Variants in EYS observed in about 807,000 individuals in gnomAD.
EYS encodes the protein protein eyes shut homolog.
In EYS, 250 loss-of-function variants were observed where a neutral mutation model predicts 282.1. That is an observed-to-expected ratio of 0.89 (90% CI 0.80 to 0.98). The LOEUF is 0.98. Ranked by LOEUF, EYS falls within the 50% of genes least tolerant of loss-of-function variation. EYS has a pLI of 0.00. For synonymous variants in EYS, 1,355 were observed against 1,282.9 expected, an observed-to-expected ratio of 1.06 and a Z score of -1.20; for missense variants, 4,016 against 3,709.0, an observed-to-expected ratio of 1.08 and a Z score of -2.15.
chr6:63,891,064 A>C (rs898518652), intron 35 of EYS, among the ~76,000 whole-genome samples: 4 of 152,210 alleles, frequency 2.6e-5, no homozygotes, highest in African/African-American at 9.6e-5. Flanking sequence ...TGAATAGACC[A>C]ATAACAAGTT....
In EYS at chr6:65,495,526, T is replaced by G; in HGVS notation, c.-116A>C. The G allele has an allele frequency of 8.9e-7, 1 of 1,128,320 alleles. No homozygotes were observed. The highest frequency in any genetic ancestry group is 1.5e-5 in the African/African-American group (1 of 64,846). The allele number at this position is 1,128,320 out of a possible 1,614,324, so 69.9% of individuals were successfully genotyped here. A position where few individuals can be genotyped will look rare whatever the true frequency, so the allele number is the denominator to read the frequency against. On this transcript the variant is annotated 5_prime_UTR_variant, in exon 4 of 43. Coordinates refer to ENST00000503581, the MANE Select transcript of EYS (RefSeq NM_001142800.2). ...GTTAAGGATTCCTGGGAATTGGAAT[T>G]GACCTTTTTTCTATACCCAAAGTAG...
At chr6:63,819,046 C>T (rs866689862) in intron 36 of EYS, among the ~76,000 whole-genome samples, 16 of 152,202 alleles carry the variant, frequency 1.1e-4, no homozygotes, top group African/African-American at 3.9e-4. Context: ...AATCTACCTT[C>T]TCACAAATCA....
At chr6:63,863,642 T>C (rs1772591167) in intron 36 of EYS, among the ~76,000 whole-genome samples, 1 of 6,448 alleles carries the variant, frequency 1.6e-4, no homozygotes, top group Non-Finnish European at 2.0e-3. Context: ...TACCACTTTT[T>C]CTTTTCTTTT....
intron 1 of EYS, among the ~76,000 whole-genome samples, chr6:65,659,093 A>C (rs947439560): frequency 6.6e-6 from 1 of 151,528 alleles, no homozygotes; most frequent in African/African-American, 2.4e-5. Flanking sequence ...TGATTTATTT[A>C]ATTTATAGCC....
At chr6:65,402,019 A>G (rs1766525603) in intron 7 of EYS, among the ~76,000 whole-genome samples, 1 of 151,994 alleles carries the variant, frequency 6.6e-6, no homozygotes, top group South Asian at 2.1e-4. Flanking sequence ...ACTTAAAGAA[A>G]GAATGAATTC....
chr6:64,317,050 T>C (rs1226823214), intron 29 of EYS, among the ~76,000 whole-genome samples: 3 of 152,178 alleles, frequency 2.0e-5, no homozygotes, highest in African/African-American at 4.8e-5. Context: ...TTACACCTTA[T>C]ATAAAAATTA....
At chr6:63,949,673 C>G (rs1236479869) in intron 35 of EYS, among the ~76,000 whole-genome samples, 1 of 152,130 alleles carries the variant, frequency 6.6e-6, no homozygotes, top group Non-Finnish European at 1.5e-5. Context: ...AAGAGACACA[C>G]AGTTATTCTC....
chr6:65,598,238 A>AC (rs869129603), intron 2 of EYS, among the ~76,000 whole-genome samples: 700 of 14,472 alleles, frequency 0.048, 34 homozygotes, highest in East Asian at 0.27. Context: ...CTCCCCACCC[A>AC]CCCCCCCCCC....
chr6:65,256,288 AT>A (rs1474691613), intron 12 of EYS, among the ~76,000 whole-genome samples: 1 of 118,818 alleles, frequency 8.4e-6, no homozygotes, highest in East Asian at 2.0e-4. Context: ...TTTTTTTTTA[AT>A]TAAAGTTTTA....
intron 15 of EYS, among the ~76,000 whole-genome samples, chr6:64,913,826 T>A (rs998819073): frequency 6.6e-6 from 1 of 152,108 alleles, no homozygotes; most frequent in African/African-American, 2.4e-5. Context: ...CTTTGAGAAA[T>A]CTCCATAATG....
At chr6:65,564,741 C>T (rs1769207955) in intron 2 of EYS, among the ~76,000 whole-genome samples, 1 of 151,884 alleles carries the variant, frequency 6.6e-6, no homozygotes, top group Admixed American at 6.6e-5. Flanking sequence ...TTTAAAACAC[C>T]AAAAGCAATG....
Position 65,636,209 on chromosome 6 carries a change from A to G in EYS, c.-333+3569T>C, listed in dbSNP as rs143957991. ...TCATTTCTCTGCGCAAAATTTTTCA[A>G]TGATTTGCTGTCTTTCTTAAACAGA... On this transcript the variant is annotated intron_variant, in intron 2 of 42. Transcript: ENST00000503581. Among the ~76,000 whole-genome samples, 1,390 of 152,348 alleles carry G rather than the reference A, an allele frequency of 9.1e-3. 23 individuals are homozygous for G. Among genetic ancestry groups the G allele is most frequent in the African/African-American group, 0.031 (1,305 of 41,576 alleles).
chr6:64,877,070 G>C (rs1766770568), intron 19 of EYS, among the ~76,000 whole-genome samples: 1 of 152,140 alleles, frequency 6.6e-6, no homozygotes, highest in Admixed American at 6.6e-5. Flanking sequence ...TGGGGGCTTA[G>C]ACTAGGATCA....
intron 41 of EYS, among the ~76,000 whole-genome samples, chr6:63,750,454 T>C (rs1769315883): frequency 6.6e-6 from 1 of 152,304 alleles, no homozygotes; most frequent in Non-Finnish European, 1.5e-5. Flanking sequence ...CCTTCTAATC[T>C]CTTACTCTCC....
chr6:65,274,143 C>A (rs60363480), intron 12 of EYS, among the ~76,000 whole-genome samples: 6,415 of 152,262 alleles, frequency 0.042, 189 homozygotes, highest in Middle Eastern at 0.065. Context: ...ACATACTCAG[C>A]AGCTGACTTG....
chr6:64,451,622 C>T (rs1007409397), intron 26 of EYS, among the ~76,000 whole-genome samples: 1 of 152,152 alleles, frequency 6.6e-6, no homozygotes, highest in South Asian at 2.1e-4. Flanking sequence ...AAAATACTGG[C>T]AAACCGAATC....
At chr6:64,686,912 C>CACACATATATATACGTATATATAT (rs1327314371) in intron 22 of EYS, among the ~76,000 whole-genome samples, 2 of 91,842 alleles carry the variant, frequency 2.2e-5, no homozygotes, top group African/African-American at 3.8e-5. Context: ...TATATATATA[C>CACACATATATATACGTATATATAT]ACACATATAT....
chr6:65,009,149 C>A (rs554249879), intron 13 of EYS, among the ~76,000 whole-genome samples: 1 of 152,002 alleles, frequency 6.6e-6, no homozygotes, highest in African/African-American at 2.4e-5. Flanking sequence ...ACAATATAGA[C>A]GAGCAAAGAA....
intron 41 of EYS, among the ~76,000 whole-genome samples, chr6:63,742,624 A>T (rs1230562430): frequency 6.6e-6 from 1 of 152,102 alleles, no homozygotes; most frequent in Admixed American, 6.6e-5. Context: ...AACCCAAAAA[A>T]CAAAAACCCC....
Sources: gnomAD v4.1 joint callset for allele counts (sites outside exome capture counted in the v4.1 genomes callset) on GRCh38, gnomAD v4.1.1 for gene constraint, MANE v1.5 for transcripts, NCBI Gene and HGNC (gene_info 2026-07-23, HGNC 2026-07-21) for gene names.